The following TSEN34 variants were observed in gnomAD, a reference collection of about 807,000 sequenced individuals.
TSEN34 encodes tRNA-splicing endonuclease subunit Sen34.
A neutral mutation model predicts 30.2 loss-of-function variants in TSEN34; 25 were observed. The ratio of observed to expected loss-of-function variants is 0.83; its 90% CI spans 0.60 to 1.16. The LOEUF (loss-of-function observed/expected upper bound fraction) is 1.16, where lower values mean the gene tolerates loss of function less well. Ranked by LOEUF, TSEN34 falls within the 50% of genes most tolerant of loss-of-function variation. TSEN34 has a pLI of 0.00. For missense variants in TSEN34, 475 were observed against 411.9 expected (o/e 1.15, Z -1.33); for synonymous variants, 209 against 177.4 (o/e 1.18, Z -1.41).
In TSEN34 at chr19:54,191,790, C is replaced by T. The variant is rs1295853979; in HGVS notation, c.313C>T (p.Arg105Trp). Residue 105 changes from arginine (R) to tryptophan (W), a missense_variant, in exon 2 of 4, where the codon CGG (arginine) becomes TGG (tryptophan). Transcript: ENST00000396388. ...QEQSALAAEA[R>W]ETRRQELLEK... ...GCAGAGCGCCTTGGCAGCTGAGGCCCGGGAGACCCGTCGTCAGGAGCTCCT... is the reference window on the plus strand; with the variant it reads ...GCAGAGCGCCTTGGCAGCTGAGGCCTGGGAGACCCGTCGTCAGGAGCTCCT... 3 of 1,614,156 alleles carry T rather than the reference C, an allele frequency of 1.9e-6. No individual in the cohort carries two copies. Among genetic ancestry groups the T allele is most frequent in the East Asian group, 2.2e-5 (1 of 44,870 alleles).
At chr19:54,190,549 G>A (rs900591955), upstream of TSEN34, 29 of 1,250,770 alleles carry the variant, frequency 2.3e-5, no homozygotes, top group Non-Finnish European at 2.6e-5. Context: ...CAACTGGGGT[G>A]CGCTGGCGCT....
upstream of TSEN34, chr19:54,190,280 C>A (rs886054622): frequency 7.8e-7 from 1 of 1,289,270 alleles, no homozygotes; most frequent in East Asian, 2.7e-5. Flanking sequence ...ACGAAGTTGA[C>A]GAGGGTGTCG....
At chr19:54,190,846 G>A (rs974671194), upstream of TSEN34, 2 of 1,054,528 alleles carry the variant, frequency 1.9e-6, no homozygotes, top group Non-Finnish European at 1.1e-6. Flanking sequence ...GAAAGAGGAG[G>A]AGCGAAGGCT....
chr19:54,190,957 G>A (rs2076653758), upstream of TSEN34: 1 of 1,070,402 alleles, frequency 9.3e-7, no homozygotes, highest in Non-Finnish European at 1.1e-6. Flanking sequence ...TTTGCAAGAG[G>A]GTGGTGCCAA....
upstream of TSEN34, chr19:54,190,707 G>T: frequency 8.1e-7 from 1 of 1,239,794 alleles, no homozygotes; most frequent in East Asian, 3.4e-5. Flanking sequence ...CGAGAAGGGG[G>T]CGGGGCTGCG....
intron 2 of TSEN34, 57 bp downstream of exon 2, chr19:54,192,021 G>T (rs763978637): frequency 1.2e-5 from 19 of 1,614,050 alleles, no homozygotes; most frequent in Non-Finnish European, 1.6e-5. Context: ...GATCTTTTAG[G>T]AATTTTAGCT....
rs559573319 is a variant in TSEN34 at position 54,191,873 on chromosome 19, G to C, written c.396G>C (p.Gly132=). The C allele has an allele frequency of 6.2e-6, 10 of 1,614,120 alleles. No homozygotes were observed. Among genetic ancestry groups the C allele is most frequent in the Non-Finnish European group, 8.5e-6 (10 of 1,180,018 alleles). The change falls in exon 2 of 4, where the codon GGG becomes GGC. Residue 132 remains glycine, a synonymous_variant. Coordinates refer to ENST00000396388, the MANE Select transcript of TSEN34 (RefSeq NM_001077446.4). ...AKKQKLEQAS[G]ASSSQEAGSS... ...AGCAGAAACTAGAACAGGCTTCAGG[G>C]GCCAGCTCAAGCCAGGAGGCCGGCT...
chr19:54,192,081 G>C (rs749126550), intron 2 of TSEN34, 35 bp from the exon 3 acceptor site: 1 of 1,614,192 alleles, frequency 6.2e-7, no homozygotes, highest in Non-Finnish European at 8.5e-7. Context: ...TTTACCCCTT[G>C]AATTTACCAA....
At position 54,193,783 on chromosome 19, in the gene TSEN34, A is replaced by C. The variant is rs2076796783; in HGVS notation, c.*421A>C. On this transcript the variant is annotated 3_prime_UTR_variant, in exon 4 of 4. Transcript: ENST00000396388. ...CTTGCCCAAAGTCACACACTTAGTA[A>C]ATAGCAGGCCTGGCCTTTCAAAATT... The C allele has an allele frequency of 1.5e-6, 1 of 683,896 alleles. No homozygotes were observed. The highest frequency in any genetic ancestry group is 1.5e-5 in the South Asian group (1 of 65,410). 42.4% of individuals were successfully genotyped at this position (683,896 alleles called of 1,614,324 possible).
rs572976286 is a variant in TSEN34, at chr19:54,191,724, C to G, written c.247C>G (p.Leu83Val). 1 of 1,614,002 alleles carries G rather than the reference C, an allele frequency of 6.2e-7. No homozygotes were observed. Among genetic ancestry groups the G allele is most frequent in the African/African-American group, 1.3e-5 (1 of 75,052 alleles). Residue 83 changes from leucine (L) to valine (V), a missense_variant, in exon 2 of 4, where the codon CTG becomes GTG. Physicochemically the swap from Leu to Val is conservative, Grantham distance 32 (BLOSUM62 1). Coordinates refer to ENST00000396388, the MANE Select transcript of TSEN34 (RefSeq NM_001077446.4). ...RPDSRHHSLALTSFKRQQEES... is the reference protein window; with the variant it reads ...RPDSRHHSLAVTSFKRQQEES... ...TCCAGCGAAGTGTGCTTCTCAGGCCCTGACATCCTTCAAGCGCCAGCAAGA... is the reference window on the plus strand; with the variant it reads ...TCCAGCGAAGTGTGCTTCTCAGGCCGTGACATCCTTCAAGCGCCAGCAAGA...
Position 54,191,474 on chromosome 19 carries a change from C to T in TSEN34, c.110C>T (p.Pro37Leu), listed in dbSNP as rs1295257333. The change falls in exon 1 of 4, where the codon CCC becomes CTC. Residue 37 changes from proline to leucine, a missense_variant. Pro to Leu is a moderately conservative substitution (Grantham distance 98). Coordinates refer to ENST00000396388, the MANE Select transcript of TSEN34 (RefSeq NM_001077446.4). ...GGGGGCCGCACGGTAGGCGCCCTGC[C>T]CCGCGGGCCCCGCCAGAACTCGCGC... ...GVGGRTVGAL[P>L]RGPRQNSRLG... The T allele has an allele frequency of 6.4e-7, 1 of 1,551,172 alleles. No individual in the cohort carries two copies. Among genetic ancestry groups the T allele is most frequent in the Non-Finnish European group, 8.7e-7 (1 of 1,150,894 alleles).
chr19:54,192,496 C>A, intron 3 of TSEN34, 123 bp downstream of exon 3: 1 of 1,331,476 alleles, frequency 7.5e-7, no homozygotes, highest in South Asian at 1.3e-5. Context: ...TTAGGCTGGT[C>A]CCTATTCCTG....
chr19:54,193,136 C>G, intron 3 of TSEN34, 39 bp from the exon 4 acceptor site: 1 of 1,612,042 alleles, frequency 6.2e-7, no homozygotes, highest in Non-Finnish European at 8.5e-7. Flanking sequence ...CAGCCGTCTG[C>G]CATTGGTCAC....
chr19:54,191,472 G>A lies in TSEN34; in HGVS notation c.108G>A (p.Leu36=), dbSNP rs1050145753. Residue 36 remains leucine, a synonymous_variant, in exon 1 of 4, where the codon CTG becomes CTA. Transcript: ENST00000396388. ...TGGGGGGCCGCACGGTAGGCGCCCT[G>A]CCCCGCGGGCCCCGCCAGAACTCGC... ...LGVGGRTVGA[L]PRGPRQNSRL... is the part of the protein sequence containing the mutation. The A allele has an allele frequency of 2.6e-6, 4 of 1,549,398 alleles. No individual in the cohort carries two copies. The highest frequency in any genetic ancestry group is 3.5e-6 in the Non-Finnish European group (4 of 1,150,106).
rs576799695 is a variant in TSEN34 at position 54,192,970 on chromosome 19, A to T, written c.746-205A>T. Among the ~76,000 whole-genome samples, 4 of 141,736 alleles carry T rather than the reference A, an allele frequency of 2.8e-5. No individual in the cohort carries two copies. The South Asian group carries it at 8.8e-4, about 31-fold the overall frequency. 93.0% of individuals were successfully genotyped at this position (141,736 alleles called of 152,430 possible). A position where few individuals can be genotyped will look rare whatever the true frequency, so the allele number is the denominator to read the frequency against. ...TAGTGAGCCAAGATCGTGCCATTGC[A>T]CTCCAGCCTGGGGGACAAGAGCGAG... On this transcript the variant is annotated intron_variant, in intron 3 of 3. Transcript: ENST00000396388.
At position 54,193,701 on chromosome 19, in the gene TSEN34, G is replaced by A. The variant is rs759634533; in HGVS notation, c.*339G>A. 1.5e-5 allele frequency: 12 copies of A among 787,108 alleles called. No individual in the cohort carries two copies. The highest frequency in any genetic ancestry group is 4.3e-5 in the South Asian group (3 of 69,178). The allele number at this position is 787,108 out of a possible 1,614,324, so 48.8% of individuals were successfully genotyped here. Reference sequence around the variant, plus strand: ...AATGTTTGCGACAGTCCTGGAACCCGTGGATGGTCTCATCTGCATGTACAG... The same window carrying A: ...AATGTTTGCGACAGTCCTGGAACCCATGGATGGTCTCATCTGCATGTACAG... On this transcript the variant is annotated 3_prime_UTR_variant, in exon 4 of 4. Coordinates refer to ENST00000396388, the MANE Select transcript of TSEN34 (RefSeq NM_001077446.4).
In TSEN34 at chr19:54,191,783, T is replaced by C. The variant is rs773122804; in HGVS notation, c.306T>C (p.Ala102=). Residue 102 remains alanine (A), a synonymous_variant, in exon 2 of 4, where the codon GCT becomes GCC. Coordinates refer to ENST00000396388, the MANE Select transcript of TSEN34 (RefSeq NM_001077446.4). ...TCCAGGAGCAGAGCGCCTTGGCAGCTGAGGCCCGGGAGACCCGTCGTCAGG... is the reference window on the plus strand; with the variant it reads ...TCCAGGAGCAGAGCGCCTTGGCAGCCGAGGCCCGGGAGACCCGTCGTCAGG... The part of the protein sequence containing the change: ...ESFQEQSALA[A]EARETRRQEL... The C allele has an allele frequency of 1.2e-6, 2 of 1,614,162 alleles. No homozygotes were observed. The highest frequency in any genetic ancestry group is 4.5e-5 in the East Asian group (2 of 44,874).
chr19:54,191,153 T>C, upstream of TSEN34: 3 of 1,357,728 alleles, frequency 2.2e-6, no homozygotes, highest in Non-Finnish European at 2.8e-6. Flanking sequence ...CGGCGTCTCG[T>C]CTCCGGCGGC....
At position 54,192,148 on chromosome 19, in the gene TSEN34, G is replaced by T. The variant is rs776927304; in HGVS notation, c.520G>T (p.Gly174Trp). The change falls in exon 3 of 4, where the codon GGG becomes TGG. Residue 174 changes from glycine to tryptophan, a missense_variant. Transcript: ENST00000396388. ...PSSSQAGPSN[G>W]VAPLPRSALL... ...GTCTTCCCAAGCAGGACCCTCAAAT[G>T]GGGTAGCCCCCTTGCCCAGATCTGC... 2 of 1,614,222 alleles carry T rather than the reference G, an allele frequency of 1.2e-6. No homozygotes were observed. Among genetic ancestry groups the T allele is most frequent in the Non-Finnish European group, 1.7e-6 (2 of 1,180,034 alleles).
Sources: gnomAD v4.1 joint callset for allele counts (sites outside exome capture counted in the v4.1 genomes callset) on GRCh38, gnomAD v4.1.1 for gene constraint, MANE v1.5 for transcripts, NCBI Gene and HGNC (gene_info 2026-07-23, HGNC 2026-07-21) for gene names.